Variants in ABAT observed in about 807,000 individuals in gnomAD.
ABAT encodes the protein 4-aminobutyrate aminotransferase, mitochondrial.
Under a neutral mutation model 64.6 loss-of-function variants are expected in ABAT, and 45 were observed. The ratio of observed to expected loss-of-function variants is 0.70; its 90% confidence interval spans 0.55 to 0.89. The LOEUF (loss-of-function observed/expected upper bound fraction) is 0.89, where lower values mean the gene tolerates loss of function less well. Ranked by LOEUF, ABAT falls within the 40% of genes least tolerant of loss-of-function variation. The pLI is 0.00. For synonymous variants in ABAT, 297 were observed against 250.5 expected (o/e 1.19, Z -1.75); for missense variants, 633 against 658.4 (o/e 0.96, Z 0.42).
Position 8,764,128 on chromosome 16 carries a change from G to T in ABAT, c.426G>T (p.Lys142Asn), listed in dbSNP as rs758637199. 12 of 1,613,652 alleles carry T rather than the reference G, an allele frequency of 7.4e-6. No homozygotes were observed. Among genetic ancestry groups the T allele is most frequent in the Non-Finnish European group, 9.3e-6 (11 of 1,179,994 alleles). Reference sequence around the variant, plus strand: ...TGCCTCCGGAGAACTTTGTGGAGAAGCTCCGGCAGTCCTTGCTCTCGGTGA... The same window carrying T: ...TGCCTCCGGAGAACTTTGTGGAGAATCTCCGGCAGTCCTTGCTCTCGGTGA... Reference protein sequence around the residue: ...GILPPENFVEKLRQSLLSVAP... With the variant: ...GILPPENFVENLRQSLLSVAP... The change falls in exon 7 of 16, where the codon AAG becomes AAT. Residue 142 changes from lysine (K) to asparagine (N), a missense_variant. Lys to Asn is a moderately conservative substitution (Grantham distance 94). Coordinates refer to ENST00000268251, the MANE Select transcript of ABAT (RefSeq NM_020686.6). The surrounding 1 kb of genome is among the most constrained non-coding windows in gnomAD (Gnocchi z 4.2).
chr16:8,688,626 A>C (rs2057511025), intron 1 of ABAT, among the ~76,000 whole-genome samples: 1 of 152,150 alleles, frequency 6.6e-6, no homozygotes, highest in South Asian at 2.1e-4. Flanking sequence ...ATTAGAGGCA[A>C]ATAGTCACCA....
At chr16:8,749,815 G>A (rs1387627083) in intron 4 of ABAT, among the ~76,000 whole-genome samples, 1 of 152,124 alleles carries the variant, frequency 6.6e-6, no homozygotes, top group African/African-American at 2.4e-5. Context: ...CCCGGGTGCA[G>A]TGATTCTCCT....
At chr16:8,722,343 CTA>C (rs1394936157) in intron 1 of ABAT, among the ~76,000 whole-genome samples, 2 of 152,138 alleles carry the variant, frequency 1.3e-5, no homozygotes, top group Non-Finnish European at 2.9e-5. Context: ...AGGGGTTTCA[CTA>C]TGTTAGCCAG....
At chr16:8,675,784 A>G (rs2057185072) in intron 1 of ABAT, among the ~76,000 whole-genome samples, 1 of 151,996 alleles carries the variant, frequency 6.6e-6, no homozygotes, top group South Asian at 2.1e-4. Flanking sequence ...CTGCCCCAAC[A>G]CACGCACAAA....
rs536828050 is a variant in ABAT, at chr16:8,703,637, A to G, written c.-42+28926A>G. ...GAAAAAGGAGACAGTGTCTGAGGGCAAAAGTGGCCCTCTTGGGTCTGTGTC... is the reference window on the plus strand; with the variant it reads ...GAAAAAGGAGACAGTGTCTGAGGGCGAAAGTGGCCCTCTTGGGTCTGTGTC... On this transcript the variant is annotated intron_variant, in intron 1 of 15. Transcript: ENST00000268251. Among the ~76,000 whole-genome samples, 11 of 152,338 alleles carry G rather than the reference A, an allele frequency of 7.2e-5. No individual in the cohort carries two copies. In the East Asian group the frequency reaches 2.1e-3, roughly 29 times the overall value.
chr16:8,733,221 A>T (rs1444433249), intron 1 of ABAT, among the ~76,000 whole-genome samples: 1 of 147,126 alleles, frequency 6.8e-6, no homozygotes, highest in Non-Finnish European at 1.5e-5. Flanking sequence ...GGGGCTCCTC[A>T]CTTCTCAGAC....
At chr16:8,684,211 G>A (rs1203731831) in intron 1 of ABAT, among the ~76,000 whole-genome samples, 1 of 152,190 alleles carries the variant, frequency 6.6e-6, no homozygotes, top group African/African-American at 2.4e-5. Flanking sequence ...GAGACTCTGT[G>A]CAGGGAGAGC....
chr16:8,680,352 T>A (rs569863785), intron 1 of ABAT, among the ~76,000 whole-genome samples: 1 of 152,348 alleles, frequency 6.6e-6, no homozygotes, highest in South Asian at 2.1e-4. Flanking sequence ...ATTGACTGAA[T>A]GCAGAAAAGT....
intron 1 of ABAT, among the ~76,000 whole-genome samples, chr16:8,694,943 C>T (rs1372989723): frequency 6.6e-6 from 1 of 152,240 alleles, no homozygotes; most frequent in South Asian, 2.1e-4. Flanking sequence ...CGCCTACACT[C>T]TGCCTTCCCC....
intron 10 of ABAT, 101 bp from the exon 11 acceptor site, chr16:8,768,724 A>G: frequency 6.5e-7 from 1 of 1,543,530 alleles, no homozygotes; most frequent in Non-Finnish European, 8.9e-7. Context: ...CTCCCTGCCC[A>G]CTGACAGCCT....
At chr16:8,767,623 C>T (rs1406663708) in intron 9 of ABAT, among the ~76,000 whole-genome samples, 1 of 152,194 alleles carries the variant, frequency 6.6e-6, no homozygotes, top group Non-Finnish European at 1.5e-5. Context: ...AACAGTGCAG[C>T]ACTGGTGAGA....
intron 2 of ABAT, among the ~76,000 whole-genome samples, chr16:8,744,327 A>G (rs965528702): frequency 6.6e-6 from 1 of 152,018 alleles, no homozygotes. Flanking sequence ...GGTGCCTCAC[A>G]TGGTAGGAAT....
At chr16:8,750,629 C>G in intron 5 of ABAT, 90 bp downstream of exon 5, 1 of 1,139,976 alleles carries the variant, frequency 8.8e-7, no homozygotes, top group Admixed American at 1.7e-5. Context: ...TGGCTTCCAG[C>G]AGGCACATCC....
chr16:8,771,578 C>T (rs757425531), intron 11 of ABAT, among the ~76,000 whole-genome samples: 7 of 151,492 alleles, frequency 4.6e-5, no homozygotes, highest in Non-Finnish European at 7.4e-5. Context: ...AAGCGATTCT[C>T]GTGCCTCAGC....
At chr16:8,738,134 A>G (rs755733617) in intron 2 of ABAT, among the ~76,000 whole-genome samples, 1 of 151,472 alleles carries the variant, frequency 6.6e-6, no homozygotes, top group Non-Finnish European at 1.5e-5. Context: ...CAGCCTGGGC[A>G]ACATAGGGAG....
intron 1 of ABAT, among the ~76,000 whole-genome samples, chr16:8,724,921 T>TTTTTTG (rs1491265087): frequency 7.5e-6 from 1 of 133,352 alleles, no homozygotes; most frequent in African/African-American, 2.7e-5. Context: ...CTCTTTTTTC[T>TTTTTTG]TTTTTTTTTT....
chr16:8,737,410 G>C (rs1023569649), intron 2 of ABAT: 1 of 152,194 alleles, frequency 6.6e-6, no homozygotes, highest in Non-Finnish European at 1.5e-5. Flanking sequence ...CCAGGAGGTA[G>C]AGGTGGCAGT....
chr16:8,691,991 C>T (rs1007623833), intron 1 of ABAT, among the ~76,000 whole-genome samples: 1 of 152,222 alleles, frequency 6.6e-6, no homozygotes, highest in African/African-American at 2.4e-5. Flanking sequence ...CGAACCACAC[C>T]TGTTTTCAGT....
At chr16:8,757,634 G>C (rs1356483106) in intron 5 of ABAT, 123 bp from the exon 6 acceptor site, 1 of 1,081,828 alleles carries the variant, frequency 9.2e-7, no homozygotes, top group African/African-American at 1.6e-5. Flanking sequence ...AAGGATAAAA[G>C]ACCCTTTGGT....
Sources: gnomAD v4.1 joint callset for allele counts (sites outside exome capture counted in the v4.1 genomes callset) on GRCh38, gnomAD v4.1.1 for gene constraint, Gnocchi (gnomAD v3.1) non-coding constraint, MANE v1.5 for transcripts, NCBI Gene and HGNC (gene_info 2026-07-23, HGNC 2026-07-21) for gene names.